SPON1: variants seen among roughly 807,000 people sequenced by gnomAD.
SPON1 encodes spondin-1.
In SPON1, 52 loss-of-function variants were observed where a neutral mutation model predicts 111.7. The observed-to-expected ratio is 0.47, with a 90% CI of 0.37 to 0.59. The LOEUF is 0.59. Ranked by LOEUF, SPON1 falls within the 20% of genes least tolerant of loss-of-function variation. The pLI is 0.00. For missense variants in SPON1, 957 were observed against 1,068.5 expected (o/e 0.90, Z 1.46); for synonymous variants, 410 against 395.8 (o/e 1.04, Z -0.43).
At chr11:14,182,337 G>A (rs1169394181) in intron 6 of SPON1, among the ~76,000 whole-genome samples, 2 of 152,192 alleles carry the variant, frequency 1.3e-5, no homozygotes, top group East Asian at 3.8e-4. Context: ...AGACATCCCA[G>A]TAAGGCTAAA....
rs535869044 is a variant in SPON1 at position 13,979,710 on chromosome 11, C to T, written c.239-3137C>T. 2.0e-5 allele frequency among the ~76,000 whole-genome samples: 3 copies of T among 152,314 alleles called. No homozygotes were observed. The East Asian group carries it at 5.8e-4, about 29-fold the overall frequency. ...TCCAGTAACCTGAGGACCAGGGACACAAGAGCCACAGGGGCTGGCCACGGG... is the reference window on the plus strand; with the variant it reads ...TCCAGTAACCTGAGGACCAGGGACATAAGAGCCACAGGGGCTGGCCACGGG... On this transcript the variant is annotated intron_variant, in intron 1 of 15. Coordinates refer to ENST00000576479, the MANE Select transcript of SPON1 (RefSeq NM_006108.4).
intron 6 of SPON1, among the ~76,000 whole-genome samples, chr11:14,232,314 G>A (rs1300226811): frequency 6.6e-6 from 1 of 152,096 alleles, no homozygotes; most frequent in Non-Finnish European, 1.5e-5. Context: ...GCTCCTTGAG[G>A]ACAAGGATGG....
chr11:14,159,163 A>C (rs10832216), intron 6 of SPON1, among the ~76,000 whole-genome samples: 60,932 of 151,854 alleles, frequency 0.4, 12,423 homozygotes, highest in East Asian at 0.55. Context: ...CTAATTGATT[A>C]TTACCTCTAA....
chr11:14,009,050 G>A (rs1554913478), intron 2 of SPON1, among the ~76,000 whole-genome samples: 3 of 152,082 alleles, frequency 2.0e-5, no homozygotes, highest in African/African-American at 7.2e-5. Context: ...CCTCACAATT[G>A]CTCTGTTAAG....
intron 6 of SPON1, among the ~76,000 whole-genome samples, chr11:14,159,985 T>C (rs73424180): frequency 1.3e-5 from 2 of 152,012 alleles, no homozygotes; most frequent in Non-Finnish European, 2.9e-5. Flanking sequence ...GATAGCATAA[T>C]AGGTGAATAT....
At chr11:14,263,000 G>A in intron 15 of SPON1, 25 bp downstream of exon 15, 1 of 1,609,994 alleles carries the variant, frequency 6.2e-7, no homozygotes, top group Non-Finnish European at 8.5e-7. Context: ...TGTCAGCCTG[G>A]GTGGTCTCCA....
intron 1 of SPON1, among the ~76,000 whole-genome samples, chr11:13,981,622 G>A (rs1206097902): frequency 7.5e-4 from 114 of 152,208 alleles, no homozygotes; most frequent in Non-Finnish European, 7.3e-5. Flanking sequence ...CACCGTGCCC[G>A]GCCGAGCTAG....
chr11:14,224,095 TAAAC>T (rs1848711116), intron 6 of SPON1, among the ~76,000 whole-genome samples: 1 of 152,260 alleles, frequency 6.6e-6, no homozygotes, highest in Non-Finnish European at 1.5e-5. Context: ...ATTCATTTAT[TAAAC>T]AAACATTTAT....
intron 6 of SPON1, among the ~76,000 whole-genome samples, chr11:14,179,089 A>G (rs1315385367): frequency 3.3e-5 from 5 of 152,182 alleles, no homozygotes; most frequent in African/African-American, 1.2e-4. Flanking sequence ...CTCTATTTGT[A>G]CTGATCTCCT....
At chr11:14,087,106 C>A (rs1554922730) in intron 5 of SPON1, among the ~76,000 whole-genome samples, 1 of 134,062 alleles carries the variant, frequency 7.5e-6, no homozygotes, top group Non-Finnish European at 1.7e-5. Context: ...CTCCTGGATT[C>A]ACTGATTTTT....
chr11:14,176,414 C>G (rs1848175430), intron 6 of SPON1, among the ~76,000 whole-genome samples: 1 of 152,142 alleles, frequency 6.6e-6, no homozygotes, highest in East Asian at 1.9e-4. Flanking sequence ...AAAGAGCCAA[C>G]TGAGACCCCC....
intron 3 of SPON1, among the ~76,000 whole-genome samples, chr11:14,069,982 C>T (rs1554920747): frequency 6.6e-6 from 1 of 152,150 alleles, no homozygotes; most frequent in African/African-American, 2.4e-5. Flanking sequence ...TTGAGACCCA[C>T]CTAAAGCCAT....
At position 14,075,428 on chromosome 11, in the gene SPON1, T is replaced by C; in HGVS notation, c.553+10T>C. On this transcript the variant is annotated intron_variant, in intron 4 of 15. Coordinates refer to ENST00000576479, the MANE Select transcript of SPON1 (RefSeq NM_006108.4). Reference sequence around the variant, plus strand: ...AAACTTTGTGAACAAGGTAAGACCCTGTGGGTGGGGAGGGGGAGGGGCAGA... The same window carrying C: ...AAACTTTGTGAACAAGGTAAGACCCCGTGGGTGGGGAGGGGGAGGGGCAGA... 1.3e-6 allele frequency: 2 copies of C among 1,544,606 alleles called. No homozygotes were observed. The highest frequency in any genetic ancestry group is 1.8e-6 in the Non-Finnish European group (2 of 1,140,260).
chr11:14,141,108 G>A (rs1847651519), intron 6 of SPON1, among the ~76,000 whole-genome samples: 1 of 143,116 alleles, frequency 7.0e-6, no homozygotes, highest in South Asian at 2.2e-4. Flanking sequence ...CAGCTCCTGG[G>A]GCCTGTATCC....
At chr11:14,047,928 G>A (rs986525380) in intron 3 of SPON1, among the ~76,000 whole-genome samples, 12 of 152,194 alleles carry the variant, frequency 7.9e-5, no homozygotes, top group Admixed American at 2.0e-4. Flanking sequence ...CACACTGGGA[G>A]GAATGTTCAT....
At chr11:14,096,591 G>A (rs1266244306) in intron 5 of SPON1, among the ~76,000 whole-genome samples, 2 of 152,154 alleles carry the variant, frequency 1.3e-5, no homozygotes, top group Non-Finnish European at 2.9e-5. Context: ...GGCTGCAGGT[G>A]GGTGGTCCTC....
At chr11:14,091,566 C>T (rs1348470469) in intron 5 of SPON1, among the ~76,000 whole-genome samples, 1 of 152,210 alleles carries the variant, frequency 6.6e-6, no homozygotes, top group Non-Finnish European at 1.5e-5. Context: ...CAGCCACTGG[C>T]CCGGGTGCTA....
intron 6 of SPON1, among the ~76,000 whole-genome samples, chr11:14,224,339 G>A (rs1448740522): frequency 6.6e-6 from 1 of 152,160 alleles, no homozygotes; most frequent in Non-Finnish European, 1.5e-5. Flanking sequence ...AAGCGGTCAG[G>A]AAAGCCTTGA....
chr11:14,259,652 G>A lies in SPON1; in HGVS notation c.1782G>A (p.Met594Ile). The change falls in exon 13 of 16, where the codon ATG becomes ATA. Residue 594 changes from methionine (M) to isoleucine (I), a missense_variant. By Grantham distance (10) the Met-to-Ile change is conservative. Around this residue, in one of 5 missense-constraint regions of SPON1, gnomAD observed 549 missense variants for 606.2 expected, o/e 0.91. Transcript: ENST00000576479. The surrounding 1 kb of genome is among the most constrained non-coding windows in gnomAD (Gnocchi z 5.0). ...AGATGAACCCCGCAGATGGCTCCAT[G>A]TGCAAAGCCGAGACATCACAGGCAG... ...MIKMNPADGSMCKAETSQAEK... is the reference protein window; with the variant it reads ...MIKMNPADGSICKAETSQAEK... The A allele has an allele frequency of 6.4e-7, 1 of 1,569,482 alleles. No individual in the cohort carries two copies. Among genetic ancestry groups the A allele is most frequent in the South Asian group, 1.2e-5 (1 of 84,964 alleles).
Sources: allele counts gnomAD v4.1 joint callset (sites outside exome capture counted in the v4.1 genomes callset), GRCh38; gene constraint gnomAD v4.1.1; regional missense constraint gnomAD v4.1.1; non-coding constraint Gnocchi (gnomAD v3.1); transcripts MANE v1.5; gene names NCBI Gene and HGNC (gene_info 2026-07-23, HGNC 2026-07-21).